The following ALK variants were observed in gnomAD, a reference collection of about 807,000 sequenced individuals.
The protein encoded by ALK is ALK receptor tyrosine kinase, also known as ALK tyrosine kinase receptor.
ALK carries 74 observed loss-of-function variants against 163.1 expected under a neutral mutation model. The observed-to-expected ratio is 0.45, with a 90% CI of 0.38 to 0.55. The LOEUF (loss-of-function observed/expected upper bound fraction) is 0.55, where lower values mean the gene tolerates loss of function less well. ALK is among the 20% of genes least tolerant of loss of function. The pLI is 0.00. For missense variants in ALK, 2,063 were observed against 2,105.3 expected, an observed-to-expected ratio of 0.98 and a Z score of 0.39; for synonymous variants, 960 against 843.2, an observed-to-expected ratio of 1.14 and a Z score of -2.40.
intron 4 of ALK, among the ~76,000 whole-genome samples, chr2:29,486,797 A>G (rs1391712432): frequency 6.6e-6 from 1 of 152,262 alleles, no homozygotes; most frequent in Non-Finnish European, 1.5e-5. Context: ...AAAGAAAATT[A>G]AAAGCACTAC....
At chr2:29,265,800 C>T (rs1415731088) in intron 11 of ALK, among the ~76,000 whole-genome samples, 1 of 152,028 alleles carries the variant, frequency 6.6e-6, no homozygotes, top group East Asian at 1.9e-4. Flanking sequence ...CCAGCCTGGC[C>T]AACATGGTGA....
At chr2:29,822,140 C>T (rs1665065029) in intron 1 of ALK, among the ~76,000 whole-genome samples, 1 of 152,286 alleles carries the variant, frequency 6.6e-6, no homozygotes, top group Non-Finnish European at 1.5e-5. Flanking sequence ...AATCAGCTCC[C>T]AAGTCCCAAT....
chr2:29,781,136 A>C (rs1681320746), intron 1 of ALK, among the ~76,000 whole-genome samples: 1 of 152,216 alleles, frequency 6.6e-6, no homozygotes, highest in Non-Finnish European at 1.5e-5. Context: ...GTGAGAGAGA[A>C]ACTTACACAC....
intron 3 of ALK, among the ~76,000 whole-genome samples, chr2:29,658,715 AT>A (rs1317199010): frequency 2.6e-5 from 4 of 152,194 alleles, no homozygotes; most frequent in African/African-American, 9.6e-5. Context: ...TAATGCTAGT[AT>A]ATTTACTTTC....
In ALK at chr2:29,404,937, C is replaced by T. The variant is rs115925710; in HGVS notation, c.1155-21078G>A. On this transcript the variant is annotated intron_variant, in intron 4 of 28. Transcript: ENST00000389048. ...AGGACTGAGAATTTCTTGTAGGGGA[C>T]GAATATGGGATTCCATCACCTGATT... 7.9e-3 allele frequency among the ~76,000 whole-genome samples: 1,200 copies of T among 152,178 alleles called. 14 individuals carry two copies. Among genetic ancestry groups the T allele is most frequent in the African/African-American group, 0.028 (1,153 of 41,512 alleles).
At chr2:29,638,374 C>T (rs1019737242) in intron 3 of ALK, among the ~76,000 whole-genome samples, 2 of 152,126 alleles carry the variant, frequency 1.3e-5, no homozygotes, top group South Asian at 4.1e-4. Flanking sequence ...CTCCTCCTAC[C>T]CTAACAAGGC....
At chr2:29,657,013 G>T (rs1190006310) in intron 3 of ALK, among the ~76,000 whole-genome samples, 1 of 152,084 alleles carries the variant, frequency 6.6e-6, no homozygotes, top group Non-Finnish European at 1.5e-5. Flanking sequence ...ATAGAAAACG[G>T]CATCAGTTCA....
At chr2:29,362,264 T>G (rs1668405221) in intron 5 of ALK, among the ~76,000 whole-genome samples, 1 of 152,160 alleles carries the variant, frequency 6.6e-6, no homozygotes, top group South Asian at 2.1e-4. Context: ...AGAAATTCAT[T>G]TCCTTCCTTC....
chr2:29,583,188 C>A (rs925059104), intron 3 of ALK, among the ~76,000 whole-genome samples: 1 of 152,022 alleles, frequency 6.6e-6, no homozygotes, highest in African/African-American at 2.4e-5. Flanking sequence ...CCAAACCCAG[C>A]ACTCTTAATC....
At chr2:29,203,822 G>A (rs1405683967) in intron 26 of ALK, among the ~76,000 whole-genome samples, 1 of 151,896 alleles carries the variant, frequency 6.6e-6, no homozygotes, top group African/African-American at 2.4e-5. Flanking sequence ...TTGGCACTTG[G>A]TGAATTCTTT....
chr2:29,540,580 G>GTCT (rs1673386366), intron 3 of ALK, among the ~76,000 whole-genome samples: 1 of 74,576 alleles, frequency 1.3e-5, no homozygotes, highest in Admixed American at 1.5e-4. Flanking sequence ...GAAGAATTAT[G>GTCT]TTTTTTTTTT....
intron 3 of ALK, among the ~76,000 whole-genome samples, chr2:29,645,496 G>A (rs1351322827): frequency 1.3e-5 from 2 of 152,032 alleles, no homozygotes; most frequent in South Asian, 2.1e-4. Flanking sequence ...AGAATAAAGC[G>A]TACTCCATTA....
intron 3 of ALK, among the ~76,000 whole-genome samples, chr2:29,633,164 C>A (rs927217591): frequency 1.2e-5 from 1 of 85,298 alleles, no homozygotes; most frequent in Non-Finnish European, 3.0e-5. Context: ...TGGACTAAGT[C>A]CATGATGATC....
intron 22 of ALK, among the ~76,000 whole-genome samples, chr2:29,221,945 G>A (rs1669816189): frequency 1.3e-5 from 2 of 152,216 alleles, no homozygotes; most frequent in Admixed American, 1.3e-4. Flanking sequence ...TGGGAGCCTA[G>A]GATGGGGTGG....
At chr2:29,508,439 C>T (rs1221705133) in intron 4 of ALK, among the ~76,000 whole-genome samples, 3 of 151,932 alleles carry the variant, frequency 2.0e-5, no homozygotes, top group East Asian at 1.9e-4. Context: ...AGCAAACTAT[C>T]GCAGGGACAA....
chr2:29,307,390 G>A (rs771746651), intron 8 of ALK, among the ~76,000 whole-genome samples: 39 of 152,200 alleles, frequency 2.6e-4, no homozygotes, highest in Non-Finnish European at 4.6e-4. Context: ...TTCACTTCAA[G>A]AGAAGGAAAC....
intron 4 of ALK, among the ~76,000 whole-genome samples, chr2:29,443,127 C>G (rs555067713): frequency 6.6e-6 from 1 of 152,326 alleles, no homozygotes; most frequent in South Asian, 2.1e-4. Flanking sequence ...ACTAAACTTT[C>G]GCTTCTTGCA....
intron 1 of ALK, among the ~76,000 whole-genome samples, chr2:29,772,078 A>C (rs1681045343): frequency 6.6e-6 from 1 of 152,190 alleles, no homozygotes; most frequent in Non-Finnish European, 1.5e-5. Context: ...CCAGGATGCC[A>C]GAGGACAACC....
intron 4 of ALK, among the ~76,000 whole-genome samples, chr2:29,449,484 C>T (rs1237680095): frequency 1.3e-5 from 2 of 152,186 alleles, no homozygotes. Flanking sequence ...TTGGTGTCTG[C>T]CCAGCTGCTG....
Sources: allele counts gnomAD v4.1 joint callset (sites outside exome capture counted in the v4.1 genomes callset), GRCh38; gene constraint gnomAD v4.1.1; transcripts MANE v1.5; gene names NCBI Gene and HGNC (gene_info 2026-07-23, HGNC 2026-07-21).